FAM222B: variants seen among roughly 807,000 people sequenced by gnomAD.
The protein encoded by FAM222B is protein FAM222B.
A neutral mutation model predicts 38.0 loss-of-function variants in FAM222B; 12 were observed. That is an observed-to-expected ratio of 0.32 (90% CI 0.20 to 0.51). FAM222B has a LOEUF of 0.51. FAM222B is among the 20% of genes least tolerant of loss of function. FAM222B has a pLI of 0.97. For synonymous variants in FAM222B, 329 were observed against 317.2 expected (o/e 1.04, Z -0.40); for missense variants, 716 against 754.2 (o/e 0.95, Z 0.59).
upstream of FAM222B, among the ~76,000 whole-genome samples, chr17:28,847,342 C>T (rs1436676682): frequency 6.6e-6 from 1 of 152,096 alleles, no homozygotes; most frequent in Non-Finnish European, 1.5e-5. Context: ...TGCCTATAGT[C>T]CCAGCACTTT....
In FAM222B at chr17:28,759,650, G is replaced by C; in HGVS notation, c.309C>G (p.Ala103=). Residue 103 remains alanine (A), a synonymous_variant, in exon 3 of 3, where the codon GCC becomes GCG. Transcript: ENST00000581407. This position sits in a 1 kb window ranked among gnomAD's most constrained non-coding sequence, Gnocchi z 4.8. ...TQAATKAGLL[A]IVKVPAKSIL... ...TGCTTTTGGCTGGCACTTTGACAAT[G>C]GCAAGCAGGCCTGCCTTGGTGGCAG... 6.2e-7 allele frequency: 1 copy of C among 1,613,214 alleles called. No homozygotes were observed. The highest frequency in any genetic ancestry group is 8.5e-7 in the Non-Finnish European group (1 of 1,179,592).
chr17:28,789,079 C>CAAAAA (rs397857027), intron 1 of FAM222B, among the ~76,000 whole-genome samples: 2 of 63,440 alleles, frequency 3.2e-5, no homozygotes, highest in African/African-American at 6.4e-5. Flanking sequence ...AAAGATACCT[C>CAAAAA]AAAAAAAAAA....
chr17:28,837,748 A>C (rs117046600), intron 1 of FAM222B, among the ~76,000 whole-genome samples: 4,770 of 150,876 alleles, frequency 0.032, 122 homozygotes, highest in Middle Eastern at 0.11. Context: ...CACCTCCTGG[A>C]TTCAAGCGAT....
In FAM222B at chr17:28,757,704, A is replaced by G. The variant is rs1283888630; in HGVS notation, c.*566T>C. The G allele has an allele frequency of 6.6e-6, 1 of 152,514 alleles. No individual in the cohort carries two copies. The highest frequency in any genetic ancestry group is 1.5e-5 in the Non-Finnish European group (1 of 68,314). The allele number at this position is 152,514 out of a possible 1,614,324, so 9.4% of individuals were successfully genotyped here. A position where few individuals can be genotyped will look rare whatever the true frequency, so the allele number is the denominator to read the frequency against. On this transcript the variant is annotated 3_prime_UTR_variant, in exon 3 of 3. Transcript: ENST00000581407. ...GGCAAGTGCAGTGGCTGTGGGATCA[A>G]TATAGACACAAAACAAAGCCTTGAG...
At chr17:28,838,145 A>G (rs1472902284) in intron 1 of FAM222B, among the ~76,000 whole-genome samples, 1 of 152,108 alleles carries the variant, frequency 6.6e-6, no homozygotes, top group African/African-American at 2.4e-5. Context: ...CATGCCTGTA[A>G]TCCCAGCTAC....
intron 1 of FAM222B, among the ~76,000 whole-genome samples, chr17:28,786,739 A>G (rs2036427228): frequency 6.6e-6 from 1 of 152,186 alleles, no homozygotes; most frequent in African/African-American, 2.4e-5. Context: ...CCATGTACCC[A>G]CTATGTATCC....
At chr17:28,853,119 G>T (rs765229926) in intron 1 of FAM222B, among the ~76,000 whole-genome samples, 7 of 151,880 alleles carry the variant, frequency 4.6e-5, no homozygotes, top group Non-Finnish European at 7.4e-5. Context: ...CTTCAACCCG[G>T]GAAGTAGAGG....
At chr17:28,798,774 T>A (rs188345247) in intron 1 of FAM222B, among the ~76,000 whole-genome samples, 45 of 149,104 alleles carry the variant, frequency 3.0e-4, no homozygotes, top group African/African-American at 1.1e-3. Context: ...AGCGCCACTA[T>A]GCCCGGCTAA....
intron 1 of FAM222B, chr17:28,834,216 G>A (rs761022690): frequency 2.0e-5 from 3 of 152,100 alleles, no homozygotes; most frequent in African/African-American, 7.2e-5. Context: ...ACAATCAATT[G>A]TGCCTTTTAA....
At chr17:28,835,441 G>T (rs887086975) in intron 1 of FAM222B, among the ~76,000 whole-genome samples, 2 of 152,092 alleles carry the variant, frequency 1.3e-5, no homozygotes, top group African/African-American at 4.8e-5. Context: ...TGCTGAAGTT[G>T]ACTGCTGAAA....
intron 1 of FAM222B, among the ~76,000 whole-genome samples, chr17:28,818,499 GC>G (rs1047496086): frequency 1.3e-5 from 2 of 150,704 alleles, no homozygotes; most frequent in Non-Finnish European, 2.9e-5. Flanking sequence ...CTGCACTCCA[GC>G]CTGTCTCCAG....
At chr17:28,768,752 C>CT (rs1192931138) in intron 1 of FAM222B, among the ~76,000 whole-genome samples, 1 of 148,950 alleles carries the variant, frequency 6.7e-6, no homozygotes, top group Non-Finnish European at 1.5e-5. Flanking sequence ...AGGAGAACTG[C>CT]TTGAACCCAG....
intron 1 of FAM222B, among the ~76,000 whole-genome samples, chr17:28,809,700 G>C (rs997758673): frequency 6.6e-6 from 1 of 152,108 alleles, no homozygotes; most frequent in Non-Finnish European, 1.5e-5. Context: ...GGCGTGGAGG[G>C]GTGCAGTGGC....
chr17:28,792,746 A>T (rs1597933084), intron 1 of FAM222B, among the ~76,000 whole-genome samples: 1 of 148,062 alleles, frequency 6.8e-6, no homozygotes, highest in Non-Finnish European at 1.5e-5. Flanking sequence ...ACATCATTTC[A>T]CTCCAGCCTG....
chr17:28,805,352 T>C (rs1052920036), intron 1 of FAM222B, among the ~76,000 whole-genome samples: 3 of 152,114 alleles, frequency 2.0e-5, no homozygotes, highest in Admixed American at 2.0e-4. Flanking sequence ...CTGGCCAACA[T>C]GGTGAAACCC....
intron 1 of FAM222B, among the ~76,000 whole-genome samples, chr17:28,809,052 T>G (rs1183197767): frequency 6.6e-6 from 1 of 152,078 alleles, no homozygotes; most frequent in African/African-American, 2.4e-5. Context: ...AAGCCGTGAC[T>G]CACAGAAATA....
At chr17:28,850,803 CT>C (rs1250275310) in intron 1 of FAM222B, among the ~76,000 whole-genome samples, 1 of 152,062 alleles carries the variant, frequency 6.6e-6, no homozygotes, top group Non-Finnish European at 1.5e-5. Flanking sequence ...TGAACAGGTT[CT>C]TTCTATAAAA....
chr17:28,801,246 G>A (rs112323452), intron 1 of FAM222B, among the ~76,000 whole-genome samples: 7,380 of 149,388 alleles, frequency 0.049, 279 homozygotes, highest in Non-Finnish European at 0.069. Context: ...GAGGTCAGGA[G>A]ATCGAGACCA....
intron 1 of FAM222B, among the ~76,000 whole-genome samples, chr17:28,801,708 C>A (rs2037238897): frequency 6.6e-6 from 1 of 151,974 alleles, no homozygotes; most frequent in Admixed American, 6.6e-5. Context: ...GTAAATGGGA[C>A]TTTTCCCTCC....
Sources: allele counts gnomAD v4.1 joint callset (sites outside exome capture counted in the v4.1 genomes callset), GRCh38; gene constraint gnomAD v4.1.1; non-coding constraint Gnocchi (gnomAD v3.1); transcripts MANE v1.5; gene names NCBI Gene and HGNC (gene_info 2026-07-23, HGNC 2026-07-21).